Variants in RGS7 observed in about 807,000 individuals in gnomAD.
RGS7 encodes the protein regulator of G-protein signaling 7.
A neutral mutation model predicts 81.1 loss-of-function variants in RGS7; 27 were observed. The observed-to-expected ratio is 0.33, with a 90% CI of 0.25 to 0.46. The LOEUF (loss-of-function observed/expected upper bound fraction) is 0.46. RGS7 is among the 20% of genes least tolerant of loss of function. The pLI, the probability that RGS7 is intolerant of heterozygous loss-of-function variation, is 1.00. For missense variants in RGS7, 396 were observed against 607.4 expected (o/e 0.65, Z 3.66); for synonymous variants, 208 against 207.7 (o/e 1.00, Z -0.01).
chr1:241,315,249 A>G (rs2080805757), intron 2 of RGS7, among the ~76,000 whole-genome samples: 2 of 150,842 alleles, frequency 1.3e-5, no homozygotes, highest in Admixed American at 6.6e-5. Flanking sequence ...GGGAAGCTTC[A>G]GCTTGAATTA....
chr1:240,893,842 T>C (rs908967569), intron 6 of RGS7, among the ~76,000 whole-genome samples: 21 of 152,218 alleles, frequency 1.4e-4, no homozygotes, highest in Non-Finnish European at 8.8e-5. Context: ...TTATGTGTCA[T>C]TTTAATTCCA....
chr1:241,156,165 G>C (rs944521103), intron 2 of RGS7, among the ~76,000 whole-genome samples: 5 of 143,780 alleles, frequency 3.5e-5, no homozygotes, highest in African/African-American at 1.4e-4. Flanking sequence ...TAGATAGATA[G>C]ATAGATACAT....
At chr1:240,948,780 A>G in intron 4 of RGS7, among the ~76,000 whole-genome samples, 1 of 151,246 alleles carries the variant, frequency 6.6e-6, no homozygotes, top group East Asian at 1.9e-4. Context: ...ATATTGTTCC[A>G]TCTCCAGATG....
At chr1:240,786,196 G>A (rs1685035335) in intron 18 of RGS7, among the ~76,000 whole-genome samples, 1 of 152,002 alleles carries the variant, frequency 6.6e-6, no homozygotes, top group African/African-American at 2.4e-5. Flanking sequence ...ATAGAAAAAA[G>A]AGAAGAAATA....
chr1:240,892,818 C>G (rs766562118), intron 6 of RGS7, among the ~76,000 whole-genome samples: 6 of 152,084 alleles, frequency 3.9e-5, no homozygotes, highest in Non-Finnish European at 8.8e-5. Flanking sequence ...TGAACCTATT[C>G]TGATTTGGGG....
chr1:241,036,232 TAAAA>T (rs577256743), intron 3 of RGS7, among the ~76,000 whole-genome samples: 5 of 152,014 alleles, frequency 3.3e-5, no homozygotes, highest in Admixed American at 3.3e-4. Flanking sequence ...TCACAGAAAA[TAAAA>T]GAAAGACAAG....
At chr1:241,006,754 C>T (rs1223121632) in intron 3 of RGS7, among the ~76,000 whole-genome samples, 2 of 152,120 alleles carry the variant, frequency 1.3e-5, no homozygotes, top group Non-Finnish European at 2.9e-5. Flanking sequence ...CACGGGTTCC[C>T]TTATAGGTGG....
chr1:240,802,290 G>A (rs1004679387), intron 16 of RGS7, among the ~76,000 whole-genome samples: 2 of 152,162 alleles, frequency 1.3e-5, no homozygotes, highest in African/African-American at 2.4e-5. Flanking sequence ...TACATAAGGA[G>A]TTATGAACAG....
chr1:240,809,082 A>G (rs1379326237), intron 14 of RGS7, among the ~76,000 whole-genome samples: 4 of 152,150 alleles, frequency 2.6e-5, no homozygotes, highest in Non-Finnish European at 5.9e-5. Flanking sequence ...ATTATATAGA[A>G]GGCACTGAAA....
At chr1:241,105,946 C>G (rs543657421) in intron 2 of RGS7, among the ~76,000 whole-genome samples, 8 of 152,288 alleles carry the variant, frequency 5.3e-5, no homozygotes, top group Middle Eastern at 3.4e-3. Flanking sequence ...ATGGTGTGTA[C>G]TGTCATTTTA....
chr1:241,105,028 T>C (rs561846092), intron 2 of RGS7, among the ~76,000 whole-genome samples: 10 of 152,320 alleles, frequency 6.6e-5, no homozygotes, highest in Admixed American at 5.9e-4. Flanking sequence ...TATGTAACTT[T>C]TGTGAAAAAT....
intron 4 of RGS7, among the ~76,000 whole-genome samples, chr1:240,963,546 A>T (rs1681803620): frequency 6.6e-6 from 1 of 152,236 alleles, no homozygotes; most frequent in African/African-American, 2.4e-5. Flanking sequence ...AAAATGCTGC[A>T]GTGAGGCCAA....
At chr1:240,966,852 G>A (rs1461452416) in intron 4 of RGS7, among the ~76,000 whole-genome samples, 1 of 152,080 alleles carries the variant, frequency 6.6e-6, no homozygotes, top group Non-Finnish European at 1.5e-5. Context: ...CTCCTATATT[G>A]TTAAGTAAAA....
Position 241,222,462 on chromosome 1 carries a change from G to C in RGS7, c.79-123700C>G, listed in dbSNP as rs115098785. On this transcript the variant is annotated intron_variant, in intron 2 of 18. Transcript: ENST00000440928. ...CTGTTATACAGGATGACTGAGACCA[G>C]AGTTAAAAGTTCATGGATAAGAGAA... Among the ~76,000 whole-genome samples the C allele has an allele frequency of 3.6e-3, 554 of 152,288 alleles. 3 individuals carry two copies. Among genetic ancestry groups the C allele is most frequent in the Non-Finnish European group, 6.5e-3 (444 of 68,024 alleles).
At chr1:240,850,856 C>A (rs1312306862) in intron 9 of RGS7, among the ~76,000 whole-genome samples, 2 of 152,116 alleles carry the variant, frequency 1.3e-5, no homozygotes, top group Non-Finnish European at 2.9e-5. Flanking sequence ...TTAAACCAAA[C>A]CCTAATCTAC....
intron 2 of RGS7, among the ~76,000 whole-genome samples, chr1:241,344,170 CTA>C (rs1430734579): frequency 6.6e-6 from 1 of 152,190 alleles, no homozygotes; most frequent in Non-Finnish European, 1.5e-5. Context: ...ATTGTTGACA[CTA>C]TGTGATGTGT....
chr1:240,861,713 C>A (rs760459707), intron 9 of RGS7, among the ~76,000 whole-genome samples: 3 of 152,084 alleles, frequency 2.0e-5, no homozygotes, highest in Non-Finnish European at 2.9e-5. Flanking sequence ...CCTAGGGTCA[C>A]TAATCTTATT....
intron 2 of RGS7, among the ~76,000 whole-genome samples, chr1:241,176,684 T>C (rs148397189): frequency 6.6e-6 from 1 of 152,114 alleles, no homozygotes; most frequent in African/African-American, 2.4e-5. Context: ...GTCACCCCCA[T>C]TACAGGAAAT....
chr1:241,080,171 C>G (rs1185921639), intron 3 of RGS7, among the ~76,000 whole-genome samples: 1 of 150,238 alleles, frequency 6.7e-6, no homozygotes, highest in Non-Finnish European at 1.5e-5. Flanking sequence ...AAATTAATAT[C>G]AATAGATAAT....
Sources: gnomAD v4.1 joint callset for allele counts (sites outside exome capture counted in the v4.1 genomes callset) on GRCh38, gnomAD v4.1.1 for gene constraint, MANE v1.5 for transcripts, NCBI Gene and HGNC (gene_info 2026-07-23, HGNC 2026-07-21) for gene names.